The following KIF6 variants were observed in gnomAD, a reference collection of about 807,000 sequenced individuals.
The protein encoded by KIF6 is kinesin family member 6.
KIF6 carries 106 observed loss-of-function variants against 112.7 expected under a neutral mutation model. That is an observed-to-expected ratio of 0.94 (90% CI 0.80 to 1.11). KIF6 has a LOEUF of 1.11. Among genes scored for constraint, KIF6 ranks in the 50% least tolerant of loss-of-function variants. The pLI, the probability that KIF6 is intolerant of heterozygous loss-of-function variation, is 0.00. For synonymous variants in KIF6, 339 were observed against 339.9 expected, an observed-to-expected ratio of 1.00 and a Z score of 0.03; for missense variants, 929 against 964.0, an observed-to-expected ratio of 0.96 and a Z score of 0.48.
chr6:39,393,671 G>A (rs1350684576), intron 15 of KIF6, among the ~76,000 whole-genome samples: 2 of 152,174 alleles, frequency 1.3e-5, no homozygotes, highest in African/African-American at 2.4e-5. Flanking sequence ...ATAACAAAGT[G>A]AAGATAAAGT....
intron 5 of KIF6, among the ~76,000 whole-genome samples, chr6:39,615,263 T>C (rs1216485794): frequency 6.6e-6 from 1 of 152,082 alleles, no homozygotes; most frequent in East Asian, 1.9e-4. Flanking sequence ...AAACGAATTA[T>C]CTAACTCTAA....
intron 13 of KIF6, among the ~76,000 whole-genome samples, chr6:39,473,197 T>C (rs753062678): frequency 2.0e-5 from 3 of 151,970 alleles, no homozygotes; most frequent in Non-Finnish European, 4.4e-5. Flanking sequence ...AAAAAAAAGG[T>C]GCACATTTTT....
At chr6:39,622,884 C>T (rs539424746) in intron 5 of KIF6, among the ~76,000 whole-genome samples, 1 of 152,246 alleles carries the variant, frequency 6.6e-6, no homozygotes, top group South Asian at 2.1e-4. Flanking sequence ...TGGAAGGAAG[C>T]CCTGAAGGCA....
intron 11 of KIF6, among the ~76,000 whole-genome samples, chr6:39,545,153 G>A (rs989198849): frequency 3.3e-5 from 5 of 152,106 alleles, no homozygotes; most frequent in African/African-American, 4.8e-5. Flanking sequence ...AAAGAAGTAT[G>A]CAAAAATACA....
chr6:39,436,389 T>G (rs1471767810), intron 13 of KIF6, among the ~76,000 whole-genome samples: 1 of 152,146 alleles, frequency 6.6e-6, no homozygotes, highest in Non-Finnish European at 1.5e-5. Flanking sequence ...TTATTTACTT[T>G]TGTTTTTGTT....
chr6:39,336,704 A>C (rs1762925669), intron 22 of KIF6, among the ~76,000 whole-genome samples, 156 bp from the exon 23 acceptor site: 1 of 151,782 alleles, frequency 6.6e-6, no homozygotes, highest in South Asian at 2.1e-4. Flanking sequence ...TTTATACCCC[A>C]AGCTCTGAAG....
intron 13 of KIF6, among the ~76,000 whole-genome samples, chr6:39,513,003 A>C (rs1776864109): frequency 6.6e-6 from 1 of 152,172 alleles, no homozygotes; most frequent in Admixed American, 6.5e-5. Context: ...TTATGTGAAT[A>C]AGGGAAGTAG....
intron 3 of KIF6, among the ~76,000 whole-genome samples, chr6:39,698,418 A>G (rs1006184146): frequency 4.6e-5 from 7 of 152,268 alleles, no homozygotes; most frequent in African/African-American, 9.6e-5. Flanking sequence ...CTTATGATAA[A>G]GTAAACACAA....
intron 13 of KIF6, among the ~76,000 whole-genome samples, chr6:39,482,044 C>CT (rs1774836054): frequency 7.1e-6 from 1 of 141,782 alleles, no homozygotes; most frequent in Non-Finnish European, 1.5e-5. Flanking sequence ...ACACACACCC[C>CT]ACTGGGACCC....
At chr6:39,519,168 A>G (rs1777238852) in intron 13 of KIF6, among the ~76,000 whole-genome samples, 1 of 152,198 alleles carries the variant, frequency 6.6e-6, no homozygotes, top group Admixed American at 6.5e-5. Context: ...AATAATACTT[A>G]TATTTCGGCT....
chr6:39,414,473 T>G (rs765673954), intron 15 of KIF6, among the ~76,000 whole-genome samples: 11 of 152,218 alleles, frequency 7.2e-5, no homozygotes, highest in Non-Finnish European at 1.5e-4. Context: ...GGGACCTTTG[T>G]GCAAACTAGA....
At chr6:39,357,123 TTGAG>T (rs1367021419) in intron 19 of KIF6, among the ~76,000 whole-genome samples, 150 bp downstream of exon 19, 3 of 152,184 alleles carry the variant, frequency 2.0e-5, no homozygotes, top group Admixed American at 1.3e-4. Flanking sequence ...AGCCACTGTC[TTGAG>T]TATCTACGAC....
chr6:39,509,001 G>A (rs991267564), intron 13 of KIF6, among the ~76,000 whole-genome samples: 1 of 152,128 alleles, frequency 6.6e-6, no homozygotes, highest in Non-Finnish European at 1.5e-5. Flanking sequence ...ATACAGGTGG[G>A]TGCTCCTCTG....
At chr6:39,413,483 C>T (rs772498383) in intron 15 of KIF6, among the ~76,000 whole-genome samples, 3 of 152,120 alleles carry the variant, frequency 2.0e-5, no homozygotes, top group Non-Finnish European at 4.4e-5. Flanking sequence ...CCTAGTCAGT[C>T]AGAGTGTTTT....
intron 10 of KIF6, among the ~76,000 whole-genome samples, chr6:39,551,195 A>G (rs1041888274): frequency 6.6e-6 from 1 of 152,266 alleles, no homozygotes; most frequent in Admixed American, 6.5e-5. Context: ...TTGCAACAAC[A>G]TATTTAGAAA....
intron 13 of KIF6, among the ~76,000 whole-genome samples, chr6:39,446,844 T>C (rs1421518979): frequency 6.6e-6 from 1 of 152,224 alleles, no homozygotes; most frequent in Non-Finnish European, 1.5e-5. Flanking sequence ...GTCTTTAATG[T>C]AGTTTTCTGT....
At chr6:39,496,536 A>T (rs1380467029) in intron 13 of KIF6, among the ~76,000 whole-genome samples, 1 of 152,052 alleles carries the variant, frequency 6.6e-6, no homozygotes, top group African/African-American at 2.4e-5. Context: ...GCTCATCCTC[A>T]CTGGAGGGAA....
At chr6:39,349,072 T>C (rs1203205504) in intron 19 of KIF6, among the ~76,000 whole-genome samples, 1 of 152,146 alleles carries the variant, frequency 6.6e-6, no homozygotes, top group Non-Finnish European at 1.5e-5. Context: ...GTGATTCAAA[T>C]CTCAATAAAG....
intron 6 of KIF6, among the ~76,000 whole-genome samples, chr6:39,598,772 C>T (rs940660305): frequency 1.3e-5 from 2 of 151,982 alleles, no homozygotes; most frequent in African/African-American, 4.8e-5. Context: ...ATTCAAATTA[C>T]AGAGATGTTA....
Sources: allele counts gnomAD v4.1 joint callset (sites outside exome capture counted in the v4.1 genomes callset), GRCh38; gene constraint gnomAD v4.1.1; transcripts MANE v1.5; gene names NCBI Gene and HGNC (gene_info 2026-07-23, HGNC 2026-07-21).